Variants in DNAAF4 observed in about 807,000 individuals in gnomAD.
DNAAF4 encodes dynein assembly factor 4, axonemal.
In DNAAF4, 43 loss-of-function variants were observed where a neutral mutation model predicts 51.8. The ratio of observed to expected loss-of-function variants is 0.83; its 90% confidence interval spans 0.65 to 1.07. DNAAF4 has a LOEUF of 1.07. DNAAF4 is among the 50% of genes least tolerant of loss of function. The pLI is 0.00. For synonymous variants in DNAAF4, 194 were observed against 165.6 expected, an observed-to-expected ratio of 1.17 and a Z score of -1.32; for missense variants, 581 against 493.0, an observed-to-expected ratio of 1.18 and a Z score of -1.69.
chr15:55,443,682 A>G (rs926404762), intron 6 of DNAAF4, among the ~76,000 whole-genome samples: 6 of 152,154 alleles, frequency 3.9e-5, no homozygotes, highest in African/African-American at 1.4e-4. Context: ...AAGTATTCCT[A>G]TTTCTCCACA....
intron 4 of DNAAF4, among the ~76,000 whole-genome samples, chr15:55,483,804 GC>G (rs1014128765): frequency 3.6e-4 from 47 of 131,872 alleles, no homozygotes; most frequent in African/African-American, 1.3e-3. Context: ...GGGATTACAG[GC>G]ATGAGCCATC....
intron 6 of DNAAF4, chr15:55,443,152 C>T (rs1384489770): frequency 6.2e-7 from 1 of 1,610,726 alleles, no homozygotes; most frequent in South Asian, 1.1e-5. Flanking sequence ...GCCGTCTTCA[C>T]ATTTCTTCAT....
intron 6 of DNAAF4, among the ~76,000 whole-genome samples, chr15:55,446,538 G>T (rs1205386872): frequency 1.1e-4 from 17 of 148,556 alleles, no homozygotes; most frequent in Non-Finnish European, 2.1e-4. Context: ...AGACCGGGTG[G>T]CCGGGCAGAG....
intron 1 of DNAAF4, among the ~76,000 whole-genome samples, chr15:55,504,025 C>T (rs1034570917): frequency 5.3e-5 from 8 of 152,216 alleles, no homozygotes; most frequent in South Asian, 4.1e-4. Flanking sequence ...TTTAGAAAAC[C>T]GCATAGCCTC....
chr15:55,461,430 C>T (rs1389975246), intron 5 of DNAAF4, among the ~76,000 whole-genome samples: 1 of 152,070 alleles, frequency 6.6e-6, no homozygotes, highest in Non-Finnish European at 1.5e-5. Flanking sequence ...AAAATTATAT[C>T]AAATACTCTC....
chr15:55,451,609 T>C (rs1000636558), intron 5 of DNAAF4, among the ~76,000 whole-genome samples: 1 of 131,998 alleles, frequency 7.6e-6, no homozygotes, highest in Non-Finnish European at 1.6e-5. Context: ...AAAAATTTTG[T>C]GAATAATATC....
chr15:55,427,880 CCG>C (rs1381359390), downstream of DNAAF4, among the ~76,000 whole-genome samples: 1 of 151,280 alleles, frequency 6.6e-6, no homozygotes, highest in Non-Finnish European at 1.5e-5. Flanking sequence ...GGTGATCCAC[CCG>C]CCTCGGCCTC....
At chr15:55,418,680 A>T (rs1338552647) in intron 7 of DNAAF4, 3 of 749,364 alleles carry the variant, frequency 4.0e-6, no homozygotes, top group East Asian at 2.8e-5. Flanking sequence ...ATCAATTTTT[A>T]AAATAAGTTA....
Position 55,497,761 on chromosome 15 carries a change from G to C in DNAAF4, c.222C>G (p.Thr74=). Residue 74 remains threonine (T), a synonymous_variant, in exon 3 of 10, where the codon ACC becomes ACG. Coordinates refer to ENST00000321149, the MANE Select transcript of DNAAF4 (RefSeq NM_130810.4). ...AKIGNDTIVF[T]LYKKEAAMWE... ...ACATGGCCGCTTCTTTTTTATACAA[G>C]GTGAAGACAATGGTGTCATTCCCAA... is the stretch of plus-strand genomic sequence containing the variant. 1 of 1,607,184 alleles carries C rather than the reference G, an allele frequency of 6.2e-7. No homozygotes were observed. Among genetic ancestry groups the C allele is most frequent in the South Asian group, 1.1e-5 (1 of 90,900 alleles).
At chr15:55,442,533 T>C in intron 6 of DNAAF4, 1 of 833,722 alleles carries the variant, frequency 1.2e-6, no homozygotes, top group Non-Finnish European at 2.1e-6. Context: ...CTTGGCAGGC[T>C]TCTCCCTACA....
intron 7 of DNAAF4, among the ~76,000 whole-genome samples, chr15:55,437,511 C>T (rs569079312): frequency 2.0e-5 from 3 of 151,760 alleles, no homozygotes; most frequent in South Asian, 2.1e-4. Flanking sequence ...CCCCCCGCCC[C>T]CCAAAAAAAG....
At chr15:55,467,791 C>T (rs1013741098) in intron 4 of DNAAF4, among the ~76,000 whole-genome samples, 2 of 152,272 alleles carry the variant, frequency 1.3e-5, no homozygotes, top group African/African-American at 2.4e-5. Flanking sequence ...TTGTCTGACA[C>T]TTTCAAAGAG....
intron 8 of DNAAF4, among the ~76,000 whole-genome samples, chr15:55,433,625 CAAAAAAAAAAAAA>C (rs750056970): frequency 1.8e-5 from 1 of 56,650 alleles, no homozygotes; most frequent in Non-Finnish European, 3.2e-5. Context: ...GACCTCGTCT[CAAAAAAAAAAAAA>C]AAAAAATGGC....
intron 4 of DNAAF4, among the ~76,000 whole-genome samples, chr15:55,485,442 T>A (rs977940028): frequency 6.6e-6 from 1 of 152,214 alleles, no homozygotes; most frequent in African/African-American, 2.4e-5. Context: ...TGAGGTCCTA[T>A]GGCATTAAAT....
At chr15:55,461,336 T>C (rs1406025316) in intron 5 of DNAAF4, among the ~76,000 whole-genome samples, 1 of 151,992 alleles carries the variant, frequency 6.6e-6, no homozygotes, top group African/African-American at 2.4e-5. Context: ...GACCTCGTGA[T>C]CCACCCACCT....
intron 5 of DNAAF4, among the ~76,000 whole-genome samples, chr15:55,466,522 C>T (rs1294515105): frequency 6.6e-6 from 1 of 152,172 alleles, no homozygotes; most frequent in Admixed American, 6.6e-5. Flanking sequence ...GCTTATAGTA[C>T]TCATTTTCCT....
chr15:55,481,017 C>T (rs183979001), intron 4 of DNAAF4, among the ~76,000 whole-genome samples: 21 of 152,236 alleles, frequency 1.4e-4, no homozygotes, highest in Non-Finnish European at 3.1e-4. Context: ...TATGGCATTT[C>T]TCCTGCTGGT....
intron 6 of DNAAF4, among the ~76,000 whole-genome samples, chr15:55,443,860 T>C (rs1595900102): frequency 6.6e-6 from 1 of 152,250 alleles, no homozygotes; most frequent in African/African-American, 2.4e-5. Flanking sequence ...GAGAAGTGTC[T>C]GTTCATATCC....
chr15:55,428,620 G>A (rs572983343), downstream of DNAAF4, among the ~76,000 whole-genome samples: 135 of 143,382 alleles, frequency 9.4e-4, no homozygotes, highest in African/African-American at 3.3e-3. Flanking sequence ...TCAGCCTCCC[G>A]AGTAGGTGGG....
Sources: gnomAD v4.1 joint callset for allele counts (sites outside exome capture counted in the v4.1 genomes callset) on GRCh38, gnomAD v4.1.1 for gene constraint, MANE v1.5 for transcripts, NCBI Gene and HGNC (gene_info 2026-07-23, HGNC 2026-07-21) for gene names.